The following ARHGAP39 variants were observed in gnomAD, a reference collection of about 807,000 sequenced individuals.
ARHGAP39 encodes rho GTPase-activating protein 39.
In ARHGAP39, 44 loss-of-function variants were observed where a neutral mutation model predicts 106.9. That is an observed-to-expected ratio of 0.41 (90% CI 0.32 to 0.53). The LOEUF (loss-of-function observed/expected upper bound fraction) is 0.53, where lower values mean the gene tolerates loss of function less well. Among genes scored for constraint, ARHGAP39 ranks in the 20% least tolerant of loss-of-function variants. ARHGAP39 has a pLI of 0.21. For synonymous variants in ARHGAP39, 768 were observed against 693.2 expected, an observed-to-expected ratio of 1.11 and a Z score of -1.69; for missense variants, 1,496 against 1,577.3, an observed-to-expected ratio of 0.95 and a Z score of 0.87.
At chr8:144,693,504 G>T in the ARHGAP39 span, among the ~76,000 whole-genome samples, 1 of 152,164 alleles carries the variant, frequency 6.6e-6, no homozygotes, top group Admixed American at 6.5e-5. Context: ...CTCCCTAGTA[G>T]CTGGGACTAC....
At chr8:144,562,264 G>A (rs1414148961) in intron 3 of ARHGAP39, among the ~76,000 whole-genome samples, 25 of 66,228 alleles carry the variant, frequency 3.8e-4, no homozygotes, top group East Asian at 3.8e-3. Flanking sequence ...GGTTTCCATC[G>A]TGCTCCAGTG....
At position 144,682,814 on chromosome 8, in the gene ARHGAP39, C is replaced by A. The variant is rs373131163; in HGVS notation, c.-82+2872G>T. The stretch of plus-strand genomic sequence containing the variant: ...TCACTTGAGCTCAGGAGTTTGAGAC[C>A]AATCTGGGTGACATGGCAAAACACA... On this transcript the variant is annotated intron_variant, in intron 1 of 11. Transcript: ENST00000377307. Among the ~76,000 whole-genome samples, 17 of 152,154 alleles carry A rather than the reference C, an allele frequency of 1.1e-4. No homozygotes were observed. In the East Asian group the frequency reaches 3.1e-3, roughly 28 times the overall value.
chr8:144,542,633 C>T (rs1817243077), intron 6 of ARHGAP39, among the ~76,000 whole-genome samples: 1 of 147,192 alleles, frequency 6.8e-6, no homozygotes, highest in African/African-American at 2.5e-5. Context: ...ACCCGCCCCC[C>T]CACCCCCACT....
intron 1 of ARHGAP39, among the ~76,000 whole-genome samples, chr8:144,624,594 G>A (rs1485598181): frequency 6.7e-6 from 1 of 149,374 alleles, no homozygotes; most frequent in African/African-American, 2.5e-5. Flanking sequence ...TGCACACTGC[G>A]GCAGCCCCTG....
chr8:144,693,518 C>G, the ARHGAP39 span, among the ~76,000 whole-genome samples: 2 of 152,130 alleles, frequency 1.3e-5, no homozygotes, highest in African/African-American at 4.8e-5. Flanking sequence ...GGACTACAGG[C>G]GCCCGCTGCC....
At chr8:144,661,919 C>A (rs551785477) in intron 1 of ARHGAP39, among the ~76,000 whole-genome samples, 17 of 145,972 alleles carry the variant, frequency 1.2e-4, no homozygotes, top group African/African-American at 4.3e-4. Context: ...CTTTCCGCAT[C>A]TCCATTATCC....
chr8:144,649,935 G>A (rs1821534494), intron 1 of ARHGAP39, among the ~76,000 whole-genome samples: 1 of 152,064 alleles, frequency 6.6e-6, no homozygotes, highest in Non-Finnish European at 1.5e-5. Flanking sequence ...ACAAGGTCAG[G>A]AGTTCGAGAC....
intron 5 of ARHGAP39, among the ~76,000 whole-genome samples, chr8:144,546,824 G>A (rs1817444694): frequency 1.3e-5 from 2 of 152,324 alleles, no homozygotes; most frequent in Admixed American, 1.3e-4. Context: ...AGGCTGCTGA[G>A]GCCTTCTCTG....
intron 3 of ARHGAP39, among the ~76,000 whole-genome samples, chr8:144,560,796 T>C (rs899461832): frequency 6.6e-6 from 1 of 152,246 alleles, no homozygotes; most frequent in Non-Finnish European, 1.5e-5. Flanking sequence ...CTAGAGCAAG[T>C]ACTCGTCACA....
chr8:144,588,438 G>A (rs573971907), intron 2 of ARHGAP39, among the ~76,000 whole-genome samples: 3 of 152,254 alleles, frequency 2.0e-5, no homozygotes, highest in African/African-American at 7.2e-5. Context: ...GTTTTCAGAG[G>A]AAGAGAAATG....
chr8:144,660,073 A>G (rs1163405071), intron 1 of ARHGAP39, among the ~76,000 whole-genome samples: 2 of 152,094 alleles, frequency 1.3e-5, no homozygotes, highest in African/African-American at 4.8e-5. Flanking sequence ...ATGCACTTGC[A>G]TTGTGCATCT....
intron 1 of ARHGAP39, among the ~76,000 whole-genome samples, chr8:144,616,527 G>C (rs1479923712): frequency 3.3e-5 from 5 of 152,198 alleles, no homozygotes; most frequent in African/African-American, 1.2e-4. Flanking sequence ...CTACTCCTTT[G>C]ACCCCCTCCA....
chr8:144,648,233 G>A (rs1362690384), intron 1 of ARHGAP39, among the ~76,000 whole-genome samples: 2 of 152,208 alleles, frequency 1.3e-5, no homozygotes, highest in East Asian at 1.9e-4. Flanking sequence ...ATGCCAGTAA[G>A]ATGGCTCATC....
chr8:144,598,264 C>T (rs1819704532), intron 2 of ARHGAP39, among the ~76,000 whole-genome samples: 1 of 152,058 alleles, frequency 6.6e-6, no homozygotes, highest in Non-Finnish European at 1.5e-5. Flanking sequence ...GGCCTTTCCA[C>T]GTTGCGTGTA....
chr8:144,548,179 A>C lies in ARHGAP39; in HGVS notation c.907T>G (p.Ser303Ala). The C allele has an allele frequency of 6.3e-7, 1 of 1,578,376 alleles. No homozygotes were observed. Among genetic ancestry groups the C allele is most frequent in the Non-Finnish European group, 8.6e-7 (1 of 1,161,306 alleles). Residue 303 changes from serine (S) to alanine (A), a missense_variant, in exon 5 of 12, where the codon TCC (serine) becomes GCC (alanine). Physicochemically the swap from Ser to Ala is moderately conservative, Grantham distance 99 (BLOSUM62 1). Coordinates refer to ENST00000377307, the MANE Select transcript of ARHGAP39 (RefSeq NM_025251.3). The surrounding 1 kb of genome is among the most constrained non-coding windows in gnomAD (Gnocchi z 7.4). The stretch of plus-strand genomic sequence containing the variant: ...GGGGGTTCATAGCCATAGCGCGGGG[A>C]GGAGGGCTGCGAGTCCCCGGAGGGC... ...RKPSGDSQPS[S>A]PRYGYEPPLY...
intron 1 of ARHGAP39, among the ~76,000 whole-genome samples, chr8:144,611,842 C>A (rs1236247632): frequency 6.6e-6 from 1 of 151,962 alleles, no homozygotes; most frequent in Non-Finnish European, 1.5e-5. Flanking sequence ...ATAGCGAGAC[C>A]CTGTCTCTAT....
At chr8:144,668,349 G>A (rs1285351427) in intron 1 of ARHGAP39, among the ~76,000 whole-genome samples, 4 of 152,084 alleles carry the variant, frequency 2.6e-5, no homozygotes, top group Non-Finnish European at 5.9e-5. Flanking sequence ...GCTGAGGTGG[G>A]AGGAGAGCTT....
At position 144,618,855 on chromosome 8, in the gene ARHGAP39, C is replaced by T. The variant is rs979084033; in HGVS notation, c.-81-13160G>A. Among the ~76,000 whole-genome samples the T allele has an allele frequency of 4.6e-5, 7 of 152,252 alleles. No homozygotes were observed. In the South Asian group the frequency reaches 8.3e-4, roughly 18 times the overall value. The stretch of plus-strand genomic sequence containing the variant: ...CTGTGGCGTGGCGTGAGCAGGACCG[C>T]GGGCGCACAGCCACCGTGGCGGGCA... On this transcript the variant is annotated intron_variant, in intron 1 of 11. Coordinates refer to ENST00000377307, the MANE Select transcript of ARHGAP39 (RefSeq NM_025251.3).
intron 4 of ARHGAP39, among the ~76,000 whole-genome samples, chr8:144,551,916 A>T (rs533635419): frequency 6.6e-6 from 1 of 151,808 alleles, no homozygotes; most frequent in Non-Finnish European, 1.5e-5. Context: ...GCTCGTTCCC[A>T]TCTCTCCAGG....
Sources: allele counts gnomAD v4.1 joint callset (sites outside exome capture counted in the v4.1 genomes callset), GRCh38; gene constraint gnomAD v4.1.1; non-coding constraint Gnocchi (gnomAD v3.1); transcripts MANE v1.5; gene names NCBI Gene and HGNC (gene_info 2026-07-23, HGNC 2026-07-21).